DNAH8: variants seen among roughly 807,000 people sequenced by gnomAD.
DNAH8 encodes dynein axonemal heavy chain 8.
DNAH8 carries 382 observed loss-of-function variants against 562.1 expected under a neutral mutation model. That is an observed-to-expected ratio of 0.68 (90% CI 0.63 to 0.74). The LOEUF is 0.74. Ranked by LOEUF, DNAH8 falls within the 30% of genes least tolerant of loss-of-function variation. DNAH8 has a pLI of 0.00. For synonymous variants in DNAH8, 1,881 were observed against 1,919.4 expected (o/e 0.98, Z 0.52); for missense variants, 5,203 against 5,620.4 (o/e 0.93, Z 2.37).
intron 91 of DNAH8, among the ~76,000 whole-genome samples, chr6:39,018,966 A>C (rs1766731305): frequency 6.6e-6 from 1 of 152,242 alleles, no homozygotes; most frequent in South Asian, 2.1e-4. Flanking sequence ...GTGAGTATGC[A>C]TAACATGGAT....
intron 53 of DNAH8, among the ~76,000 whole-genome samples, chr6:38,876,297 G>T (rs190041241): frequency 6.6e-6 from 1 of 152,256 alleles, no homozygotes; most frequent in Admixed American, 6.5e-5. Flanking sequence ...GTATGGCCGG[G>T]CCCAGCTCAC....
chr6:38,771,789 G>T (rs1286191775), intron 12 of DNAH8, among the ~76,000 whole-genome samples: 1 of 152,038 alleles, frequency 6.6e-6, no homozygotes, highest in Non-Finnish European at 1.5e-5. Flanking sequence ...CTACTCATCA[G>T]TTGATGAACA....
intron 26 of DNAH8, among the ~76,000 whole-genome samples, chr6:38,819,108 T>C (rs1738217): frequency 0.49 from 75,127 of 151,998 alleles, 19,552 homozygotes; most frequent in East Asian, 0.7. Context: ...TGTAAACTTG[T>C]AGAAAAGATG....
intron 10 of DNAH8, among the ~76,000 whole-genome samples, chr6:38,756,583 A>G (rs1298537412): frequency 1.3e-5 from 2 of 152,030 alleles, no homozygotes; most frequent in East Asian, 3.8e-4. Flanking sequence ...GGTTAGTTAC[A>G]TATGTATACA....
chr6:38,932,217 C>CACACACACACACA (rs1554138852), intron 76 of DNAH8, among the ~76,000 whole-genome samples: 12 of 122,654 alleles, frequency 9.8e-5, no homozygotes, highest in African/African-American at 2.6e-4. Flanking sequence ...CACACACACA[C>CACACACACACACA]CCGTCTCTTT....
chr6:38,917,583 T>A (rs890362914), intron 69 of DNAH8, among the ~76,000 whole-genome samples, 177 bp downstream of exon 69: 3 of 152,224 alleles, frequency 2.0e-5, no homozygotes. Context: ...GCCAAATACC[T>A]TCTTTTTATG....
At chr6:38,727,530 A>G (rs183240203) in intron 3 of DNAH8, among the ~76,000 whole-genome samples, 1 of 152,020 alleles carries the variant, frequency 6.6e-6, no homozygotes, top group Non-Finnish European at 1.5e-5. Flanking sequence ...TAGTCATTCT[A>G]TTTCCTCTAG....
rs200672837 is a variant in DNAH8 at position 38,924,175 on chromosome 6, T to C, written c.10962+13T>C. On this transcript the variant is annotated intron_variant, in intron 73 of 92. Coordinates refer to ENST00000327475, the MANE Select transcript of DNAH8 (RefSeq NM_001206927.2). ...GGATCCTCCAACTGTAAGTTTTACT[T>C]TCCCAATGTTATTTGAATTTCAGTC... is the stretch of plus-strand genomic sequence containing the variant. The C allele has an allele frequency of 3.7e-6, 6 of 1,609,924 alleles. No homozygotes were observed. In the East Asian group the frequency reaches 1.3e-4, roughly 36 times the overall value.
chr6:38,869,360 C>T (rs570669041), intron 48 of DNAH8, among the ~76,000 whole-genome samples: 12 of 152,076 alleles, frequency 7.9e-5, no homozygotes, highest in African/African-American at 2.9e-4. Context: ...ACCTCACTGC[C>T]TGTATGACCA....
rs145829181 is a variant in DNAH8, at chr6:38,937,191, C to G, written c.11564-783C>G. Among the ~76,000 whole-genome samples the G allele has an allele frequency of 2.5e-3, 369 of 147,054 alleles. 6 individuals are homozygous for G. In the East Asian group the frequency reaches 0.044, roughly 18 times the overall value. On this transcript the variant is annotated intron_variant, in intron 77 of 92. Transcript: ENST00000327475. ...GACACAGGGAGGGGAACATCACACA[C>G]TGGGGCCTGTCGGTGGGTAGGGGTC...
At chr6:38,921,841 C>G (rs1346112852) in intron 71 of DNAH8, among the ~76,000 whole-genome samples, 1 of 152,052 alleles carries the variant, frequency 6.6e-6, no homozygotes, top group East Asian at 1.9e-4. Context: ...TGCAGGCGAG[C>G]TGAGTCCGAA....
At chr6:38,825,775 C>G (rs1678719) in intron 28 of DNAH8, among the ~76,000 whole-genome samples, 32,014 of 151,962 alleles carry the variant, frequency 0.21, 4,240 homozygotes, top group African/African-American at 0.37. Context: ...TGGCTTGACA[C>G]ACAAAACAAT....
At chr6:38,852,142 C>T (rs1775797635) in intron 39 of DNAH8, among the ~76,000 whole-genome samples, 1 of 152,126 alleles carries the variant, frequency 6.6e-6, no homozygotes, top group African/African-American at 2.4e-5. Flanking sequence ...CAATACTTCT[C>T]AAATGCTTTT....
At chr6:38,744,603 A>AT (rs11333731) in intron 8 of DNAH8, among the ~76,000 whole-genome samples, 3 of 151,288 alleles carry the variant, frequency 2.0e-5, no homozygotes, top group Non-Finnish European at 4.4e-5. Flanking sequence ...TTTATTTTTT[A>AT]TTTTTTTTGA....
intron 17 of DNAH8, among the ~76,000 whole-genome samples, chr6:38,784,110 TCG>T (rs2127644356): frequency 6.6e-6 from 1 of 152,286 alleles, no homozygotes; most frequent in South Asian, 2.1e-4. Flanking sequence ...CCGCAGGGTG[TCG>T]TCCCTAACAG....
At chr6:38,797,004 C>T (rs948305260) in intron 21 of DNAH8, among the ~76,000 whole-genome samples, 4 of 152,122 alleles carry the variant, frequency 2.6e-5, no homozygotes, top group African/African-American at 4.8e-5. Context: ...ACTTCTGTCT[C>T]GATAGATCTA....
rs1318231185 is a variant in DNAH8, at chr6:38,722,961, C to T, written c.152C>T (p.Ala51Val). The T allele has an allele frequency of 1.2e-6, 2 of 1,612,726 alleles. No homozygotes were observed. Among genetic ancestry groups the T allele is most frequent in the Non-Finnish European group, 1.7e-6 (2 of 1,179,874 alleles). Residue 51 changes from alanine to valine, a missense_variant, in exon 2 of 93, where the codon GCA becomes GTA. By Grantham distance (64) the Ala-to-Val change is moderately conservative (BLOSUM62 0). Transcript: ENST00000327475. ...APAEDGFSPS[A>V]EDAVSSVVDY... ...GCAGAAGATGGTTTCTCTCCTTCCG[C>T]AGAAGATGCTGTTTCTTCTGTGGTG...
chr6:38,756,398 G>C (rs1029183973), intron 10 of DNAH8, among the ~76,000 whole-genome samples: 3 of 152,048 alleles, frequency 2.0e-5, no homozygotes, highest in Non-Finnish European at 4.4e-5. Flanking sequence ...TGCTTCTTTA[G>C]CTACTCCCAT....
chr6:38,736,780 C>T (rs1396058206), intron 5 of DNAH8, among the ~76,000 whole-genome samples: 1 of 151,948 alleles, frequency 6.6e-6, no homozygotes. Flanking sequence ...TTTGGTTCCA[C>T]GTCCCTCACC....
Sources: gnomAD v4.1 joint callset for allele counts (sites outside exome capture counted in the v4.1 genomes callset) on GRCh38, gnomAD v4.1.1 for gene constraint, MANE v1.5 for transcripts, NCBI Gene and HGNC (gene_info 2026-07-23, HGNC 2026-07-21) for gene names.